ERICH1: variants seen among roughly 807,000 people sequenced by gnomAD.
The protein encoded by ERICH1 is glutamate-rich protein 1.
Under a neutral mutation model 39.6 loss-of-function variants are expected in ERICH1, and 56 were observed. The observed-to-expected ratio is 1.41, with a 90% confidence interval of 1.14 to 1.77. The LOEUF is 1.77. ERICH1 is among the 40% of genes most tolerant of loss of function. The pLI, the probability that ERICH1 is intolerant of heterozygous loss-of-function variation, is 0.00. For missense variants in ERICH1, 826 were observed against 575.4 expected, an observed-to-expected ratio of 1.44 and a Z score of -4.45; for synonymous variants, 313 against 223.6, an observed-to-expected ratio of 1.40 and a Z score of -3.57.
intron 2 of ERICH1, among the ~76,000 whole-genome samples, chr8:706,545 G>A (rs552799704): frequency 2.0e-5 from 3 of 152,294 alleles, no homozygotes; most frequent in South Asian, 4.1e-4. Flanking sequence ...AGGCTGAGGT[G>A]GGCGGATCAC....
chr8:618,660 G>C (rs552966195), intron 3 of ERICH1, among the ~76,000 whole-genome samples: 1 of 152,314 alleles, frequency 6.6e-6, no homozygotes, highest in East Asian at 1.9e-4. Context: ...TCCAGGCTGT[G>C]GTTGAGACTA....
intron 3 of ERICH1, chr8:626,982 A>G (rs964371230): frequency 2.6e-5 from 10 of 392,138 alleles, no homozygotes; most frequent in South Asian, 5.5e-5. Context: ...GGAGGAAAGC[A>G]CAGCTTGGCC....
intron 3 of ERICH1, among the ~76,000 whole-genome samples, chr8:685,795 C>A (rs1167110630): frequency 1.3e-5 from 2 of 152,062 alleles, no homozygotes; most frequent in Non-Finnish European, 1.5e-5. Context: ...TAGGGACTTT[C>A]AGCCATCTTT....
chr8:687,479 T>C (rs1807695683), intron 3 of ERICH1, among the ~76,000 whole-genome samples: 2 of 152,206 alleles, frequency 1.3e-5, no homozygotes, highest in Admixed American at 1.3e-4. Flanking sequence ...GCTAAGCGTG[T>C]GGGTCCAGAC....
chr8:688,843 C>T (rs892116363), intron 3 of ERICH1, among the ~76,000 whole-genome samples: 2 of 152,140 alleles, frequency 1.3e-5, no homozygotes, highest in African/African-American at 2.4e-5. Context: ...AAGAAGTACA[C>T]GAGTTCATAA....
At chr8:637,069 C>G (rs1018122095) in intron 3 of ERICH1, among the ~76,000 whole-genome samples, 7 of 152,376 alleles carry the variant, frequency 4.6e-5, no homozygotes, top group African/African-American at 1.7e-4. Context: ...AGTGACCACA[C>G]CAGGGCTGCT....
At chr8:715,789 T>C in intron 2 of ERICH1, 72 bp downstream of exon 2, 1 of 1,546,006 alleles carries the variant, frequency 6.5e-7, no homozygotes, top group Non-Finnish European at 8.7e-7. Context: ...AGACACATTC[T>C]CCAAGGCAAG....
chr8:687,002 C>G (rs1034155097), intron 3 of ERICH1, among the ~76,000 whole-genome samples: 1 of 152,200 alleles, frequency 6.6e-6, no homozygotes, highest in African/African-American at 2.4e-5. Flanking sequence ...AGAGAAGTCA[C>G]GCTAGGACTC....
intron 2 of ERICH1, among the ~76,000 whole-genome samples, chr8:711,778 T>C (rs542984248): frequency 2.0e-4 from 30 of 152,330 alleles, no homozygotes; most frequent in Middle Eastern, 6.8e-3. Flanking sequence ...ATTATAGGTG[T>C]GATCCACCGC....
Position 665,112 on chromosome 8 carries a change from G to A in ERICH1, c.1259-436C>T, listed in dbSNP as rs576648446. 6.6e-5 allele frequency among the ~76,000 whole-genome samples: 10 copies of A among 152,360 alleles called. No homozygotes were observed. In the East Asian group the frequency reaches 1.9e-3, roughly 29 times the overall value. On this transcript the variant is annotated intron_variant, in intron 5 of 5. Coordinates refer to ENST00000262109, the MANE Select transcript of ERICH1 (RefSeq NM_207332.3). ...AAGTGAGACAACACAGGACCATGTG[G>A]TGCCTACGTCATGAAACCAGGGCAG...
chr8:637,453 A>T (rs1798529099), intron 3 of ERICH1: 1 of 151,890 alleles, frequency 6.6e-6, no homozygotes, highest in Admixed American at 6.6e-5. Context: ...GCAGCTCGCC[A>T]CTCCTGGGGT....
At chr8:618,298 C>A (rs912048683) in intron 3 of ERICH1, among the ~76,000 whole-genome samples, 3 of 152,120 alleles carry the variant, frequency 2.0e-5, no homozygotes, top group African/African-American at 7.2e-5. Context: ...ATCCTCACCA[C>A]CCTCTGAGTG....
chr8:616,586 A>G (rs570934958), intron 3 of ERICH1: 26 of 455,716 alleles, frequency 5.7e-5, no homozygotes, highest in Non-Finnish European at 4.4e-6. Flanking sequence ...TCAGGGCTGG[A>G]GAGAGACAGA....
chr8:658,352 G>GCC (rs141861998), intron 3 of ERICH1, among the ~76,000 whole-genome samples: 1,588 of 152,310 alleles, frequency 0.01, 23 homozygotes, highest in African/African-American at 0.036. Context: ...GTTACTGTGA[G>GCC]CCCTGTGGGG....
chr8:624,269 C>T (rs570371106), intron 3 of ERICH1, among the ~76,000 whole-genome samples: 3 of 152,194 alleles, frequency 2.0e-5, no homozygotes, highest in Non-Finnish European at 4.4e-5. Flanking sequence ...GTGAAGATAT[C>T]GGAACCACTG....
At chr8:665,088 A>G (rs1033203516) in intron 5 of ERICH1, among the ~76,000 whole-genome samples, 6 of 152,354 alleles carry the variant, frequency 3.9e-5, no homozygotes, top group African/African-American at 1.4e-4. Flanking sequence ...TGGAGCCGTA[A>G]GTGAGACAAC....
Position 692,627 on chromosome 8 carries a change from G to A in ERICH1, c.170-15C>T. Reference sequence around the variant, plus strand: ...AGAGCCAGTGTCTGCAACACAGGAGGAAAATAACAGGAACTGGTAAATATC... The same window carrying A: ...AGAGCCAGTGTCTGCAACACAGGAGAAAAATAACAGGAACTGGTAAATATC... On this transcript the variant is annotated splice_polypyrimidine_tract_variant and intron_variant, in intron 2 of 5. Coordinates refer to ENST00000262109, the MANE Select transcript of ERICH1 (RefSeq NM_207332.3). 2.6e-6 allele frequency: 4 copies of A among 1,559,794 alleles called. No homozygotes were observed. The South Asian group carries it at 3.5e-5, about 14-fold the overall frequency.
intron 3 of ERICH1, among the ~76,000 whole-genome samples, chr8:689,946 C>T (rs1808534999): frequency 6.6e-6 from 1 of 152,052 alleles, no homozygotes; most frequent in Non-Finnish European, 1.5e-5. Context: ...AGTTCGCCTG[C>T]TAAATGTGGC....
In ERICH1 at chr8:692,616, C is replaced by T; in HGVS notation, c.170-4G>A. The T allele has an allele frequency of 1.3e-6, 2 of 1,575,832 alleles. No individual in the cohort carries two copies. Among genetic ancestry groups the T allele is most frequent in the Non-Finnish European group, 1.7e-6 (2 of 1,160,018 alleles). ...GTCGGGGTCTCAGAGCCAGTGTCTG[C>T]AACACAGGAGGAAAATAACAGGAAC... On this transcript the variant is annotated splice_region_variant and splice_polypyrimidine_tract_variant and intron_variant, in intron 2 of 5. Coordinates refer to ENST00000262109, the MANE Select transcript of ERICH1 (RefSeq NM_207332.3).
Sources: gnomAD v4.1 joint callset for allele counts (sites outside exome capture counted in the v4.1 genomes callset) on GRCh38, gnomAD v4.1.1 for gene constraint, MANE v1.5 for transcripts, NCBI Gene and HGNC (gene_info 2026-07-23, HGNC 2026-07-21) for gene names.